The following SMAD6 variants were observed in gnomAD, a reference collection of about 807,000 sequenced individuals.
SMAD6 encodes the protein SMAD family member 6.
SMAD6 carries 103 observed loss-of-function variants against 39.4 expected under a neutral mutation model. The ratio of observed to expected loss-of-function variants is 2.62; its 90% CI spans 2.23 to 3.08. SMAD6 has a LOEUF of 3.08. Ranked by LOEUF, SMAD6 falls within the 30% of genes most tolerant of loss-of-function variation. The pLI, the probability that SMAD6 is intolerant of heterozygous loss-of-function variation, is 0.00. For synonymous variants in SMAD6, 445 were observed against 353.3 expected (o/e 1.26, Z -2.91); for missense variants, 1,104 against 742.9 (o/e 1.49, Z -5.65).
intron 3 of SMAD6, among the ~76,000 whole-genome samples, chr15:66,750,396 G>A: frequency 6.6e-6 from 1 of 152,158 alleles, no homozygotes; most frequent in East Asian, 1.9e-4. Context: ...GCCAGTGAAT[G>A]CTCATTGAAT....
At chr15:66,717,060 T>A (rs1212822319) in intron 3 of SMAD6, 3 of 1,289,090 alleles carry the variant, frequency 2.3e-6, no homozygotes, top group Non-Finnish European at 3.0e-6. Flanking sequence ...GAGTCCTCTG[T>A]CCCCTGCAGT....
At chr15:66,763,729 A>G (rs1385746612) in intron 3 of SMAD6, among the ~76,000 whole-genome samples, 1 of 152,326 alleles carries the variant, frequency 6.6e-6, no homozygotes, top group Non-Finnish European at 1.5e-5. Flanking sequence ...ATCACCAAGG[A>G]AGCCACAAAC....
At chr15:66,728,404 T>TTTTTTTTG (rs1893561442) in intron 3 of SMAD6, among the ~76,000 whole-genome samples, 1 of 152,012 alleles carries the variant, frequency 6.6e-6, no homozygotes, top group Non-Finnish European at 1.5e-5. Context: ...CCTTTTGTTT[T>TTTTTTTTG]TTTTTTGTTT....
chr15:66,715,338 C>G (rs1893307841), intron 2 of SMAD6, among the ~76,000 whole-genome samples: 1 of 151,706 alleles, frequency 6.6e-6, no homozygotes, highest in Non-Finnish European at 1.5e-5. Context: ...TTCCTGCTCC[C>G]CAAGCCATGT....
Position 66,782,198 on chromosome 15 carries a change from G to A in SMAD6, c.*663G>A, listed in dbSNP as rs2140683493. 1 of 326,146 alleles carries A rather than the reference G, an allele frequency of 3.1e-6. No individual in the cohort carries two copies. The highest frequency in any genetic ancestry group is 4.9e-5 in the East Asian group (1 of 20,220). 20.2% of individuals were successfully genotyped at this position (326,146 alleles called of 1,614,324 possible). A position where few individuals can be genotyped will look rare whatever the true frequency, so the allele number is the denominator to read the frequency against. On this transcript the variant is annotated 3_prime_UTR_variant, in exon 4 of 4. Coordinates refer to ENST00000288840, the MANE Select transcript of SMAD6 (RefSeq NM_005585.5). Reference sequence around the variant, plus strand: ...TTGTTCCTTCCTGCCCATGGCTATGGGGTGTCCAGTGGATAGGGATGGCGG... The same window carrying A: ...TTGTTCCTTCCTGCCCATGGCTATGAGGTGTCCAGTGGATAGGGATGGCGG...
rs543727437 is a variant in SMAD6 at position 66,759,474 on chromosome 15, C to T, written c.953-21523C>T. Among the ~76,000 whole-genome samples, 4 of 152,320 alleles carry T rather than the reference C, an allele frequency of 2.6e-5. No individual in the cohort carries two copies. The South Asian group carries it at 8.3e-4, about 32-fold the overall frequency. ...GATGAATTCTGAGATTTTAGTACAC[C>T]TGTCACCTGAGCAGTGTACACTGTA... On this transcript the variant is annotated intron_variant, in intron 3 of 3. Coordinates refer to ENST00000288840, the MANE Select transcript of SMAD6 (RefSeq NM_005585.5).
chr15:66,769,051 G>A (rs1259027031), intron 3 of SMAD6, among the ~76,000 whole-genome samples: 1 of 152,196 alleles, frequency 6.6e-6, no homozygotes, highest in Non-Finnish European at 1.5e-5. Context: ...TGTCTGGATG[G>A]TTAAGCAAGT....
chr15:66,751,159 G>T (rs576678051), intron 3 of SMAD6, among the ~76,000 whole-genome samples: 1 of 152,284 alleles, frequency 6.6e-6, no homozygotes, highest in East Asian at 1.9e-4. Flanking sequence ...GCAAAATGTT[G>T]AGCCTTATTC....
intron 3 of SMAD6, among the ~76,000 whole-genome samples, chr15:66,751,300 C>G (rs926664810): frequency 1.3e-5 from 2 of 152,136 alleles, no homozygotes; most frequent in Admixed American, 1.3e-4. Flanking sequence ...CTTGGTAGCC[C>G]GTGGCTCTGG....
chr15:66,717,400 C>T, intron 3 of SMAD6: 1 of 456,142 alleles, frequency 2.2e-6, no homozygotes, highest in Non-Finnish European at 4.4e-6. Context: ...GCCGGCACTC[C>T]ACTTGGCCGC....
At position 66,703,832 on chromosome 15, in the gene SMAD6, C is replaced by T. The variant is rs757635168; in HGVS notation, c.574C>T (p.Leu192=). The T allele has an allele frequency of 2.1e-6, 3 of 1,406,478 alleles. No individual in the cohort carries two copies. Among genetic ancestry groups the T allele is most frequent in the Non-Finnish European group, 2.8e-6 (3 of 1,068,772 alleles). 87.1% of individuals were successfully genotyped at this position (1,406,478 alleles called of 1,614,324 possible). Residue 192 remains leucine (L), a synonymous_variant, in exon 1 of 4, where the codon CTG becomes TTG. Coordinates refer to ENST00000288840, the MANE Select transcript of SMAD6 (RefSeq NM_005585.5). ...CAAGGAGCGCTCGCTGGACACGCTG[C>T]TGGAGGCGGTGGAGTCCCGCGGCGG... ...RLKERSLDTL[L]EAVESRGGVP...
At chr15:66,760,899 A>G (rs1335034438) in intron 3 of SMAD6, among the ~76,000 whole-genome samples, 2 of 152,076 alleles carry the variant, frequency 1.3e-5, no homozygotes, top group Admixed American at 6.5e-5. Flanking sequence ...CCACCATGCC[A>G]GGCTGTTGAA....
chr15:66,703,738 A>C lies in SMAD6; in HGVS notation c.480A>C (p.Glu160Asp). 7.3e-7 allele frequency: 1 copy of C among 1,374,308 alleles called. No individual in the cohort carries two copies. Among genetic ancestry groups the C allele is most frequent in the Non-Finnish European group, 9.5e-7 (1 of 1,050,688 alleles). 85.1% of individuals were successfully genotyped at this position (1,374,308 alleles called of 1,614,324 possible). ...CGGCGGGCGGCGGGCGGAGTCGCGA[A>C]GCGCGCTCGCGGCTGCTGCTGCTGG... ...LEPAGGGRSR[E>D]ARSRLLLLEQ... The change falls in exon 1 of 4, where the codon GAA becomes GAC. Residue 160 changes from glutamate (E) to aspartate (D), a missense_variant. Coordinates refer to ENST00000288840, the MANE Select transcript of SMAD6 (RefSeq NM_005585.5).
intron 3 of SMAD6, among the ~76,000 whole-genome samples, chr15:66,719,799 C>T (rs2469120): frequency 0.2 from 30,825 of 151,994 alleles, 3,402 homozygotes; most frequent in African/African-American, 0.3. Flanking sequence ...AGCTCTCTGC[C>T]GAGTAGTTGT....
chr15:66,712,688 CAAAAAAA>C (rs775687604), intron 2 of SMAD6, among the ~76,000 whole-genome samples: 1,316 of 49,358 alleles, frequency 0.027, 32 homozygotes, highest in African/African-American at 0.087. Context: ...AATTCTGTCT[CAAAAAAA>C]AAAAAAAAAA....
At chr15:66,707,208 T>C (rs2140588581) in intron 1 of SMAD6, 1 of 152,092 alleles carries the variant, frequency 6.6e-6, no homozygotes, top group Middle Eastern at 3.4e-3. Context: ...TAACCTGTGT[T>C]TATAGAGCTC....
intron 3 of SMAD6, among the ~76,000 whole-genome samples, chr15:66,770,850 T>G (rs1209217368): frequency 1.3e-5 from 2 of 152,218 alleles, no homozygotes; most frequent in Non-Finnish European, 2.9e-5. Flanking sequence ...CTTCTCCTTT[T>G]CAGGCTTAAG....
intron 3 of SMAD6, among the ~76,000 whole-genome samples, chr15:66,727,302 C>G (rs1468538499): frequency 2.0e-5 from 3 of 152,106 alleles, no homozygotes; most frequent in Non-Finnish European, 2.9e-5. Flanking sequence ...GGGGTTTCAC[C>G]ATGTTGGCCA....
At chr15:66,773,127 C>A (rs1238223855) in intron 3 of SMAD6, among the ~76,000 whole-genome samples, 1 of 151,976 alleles carries the variant, frequency 6.6e-6, no homozygotes, top group East Asian at 1.9e-4. Flanking sequence ...GGTGGCCAGA[C>A]CGCCCGTGAT....
Sources: allele counts gnomAD v4.1 joint callset (sites outside exome capture counted in the v4.1 genomes callset), GRCh38; gene constraint gnomAD v4.1.1; transcripts MANE v1.5; gene names NCBI Gene and HGNC (gene_info 2026-07-23, HGNC 2026-07-21).